The following ANKRD26 variants were observed in gnomAD, a reference collection of about 807,000 sequenced individuals.
The protein encoded by ANKRD26 is ankyrin repeat domain 26, also known as ankyrin repeat domain-containing protein 26.
In ANKRD26, 141 loss-of-function variants were observed where a neutral mutation model predicts 208.7. The ratio of observed to expected loss-of-function variants is 0.68; its 90% confidence interval spans 0.59 to 0.78. ANKRD26 has a LOEUF of 0.78. Among genes scored for constraint, ANKRD26 ranks in the 30% least tolerant of loss-of-function variants. The probability of loss-of-function intolerance (pLI) is 0.00; values close to 1 mark genes in which losing one functional copy is unlikely to be tolerated. For missense variants in ANKRD26, 1,889 were observed against 1,938.7 expected (o/e 0.97, Z 0.48); for synonymous variants, 636 against 660.4 (o/e 0.96, Z 0.57).
Position 27,051,458 on chromosome 10 carries a change from C to T in ANKRD26, c.1635+1862G>A, listed in dbSNP as rs1277400887. 8.4e-6 allele frequency: 9 copies of T among 1,071,362 alleles called. No homozygotes were observed. In the East Asian group the frequency reaches 7.2e-4, roughly 86 times the overall value. The allele number at this position is 1,071,362 out of a possible 1,614,324, so 66.4% of individuals were successfully genotyped here. A position where few individuals can be genotyped will look rare whatever the true frequency, so the allele number is the denominator to read the frequency against. On this transcript the variant is annotated intron_variant, in intron 16 of 33. Coordinates refer to ENST00000376087, the MANE Select transcript of ANKRD26 (RefSeq NM_014915.3). The stretch of plus-strand genomic sequence containing the variant: ...ATTTCCAGTTAGTGGTATTTCGGTT[C>T]ATATTTTTTGTCTTATCAAACTCTT...
intron 9 of ANKRD26, 84 bp from the exon 10 acceptor site, chr10:27,067,370 C>T (rs776384298): frequency 3.0e-4 from 441 of 1,468,982 alleles, no homozygotes; most frequent in South Asian, 4.7e-4. Context: ...TGTATTAGTC[C>T]GTACTTGCAC....
At chr10:27,035,810 T>C in intron 23 of ANKRD26, 58 bp from the exon 24 acceptor site, 1 of 1,195,394 alleles carries the variant, frequency 8.4e-7, no homozygotes, top group South Asian at 1.3e-5. Context: ...GATCATGATT[T>C]CCTCTGAAAT....
At chr10:27,005,994 CA>C (rs1160955069) in intron 33 of ANKRD26, among the ~76,000 whole-genome samples, 1 of 152,078 alleles carries the variant, frequency 6.6e-6, no homozygotes, top group African/African-American at 2.4e-5. Flanking sequence ...ACTAGAATTA[CA>C]AGATGAAGAT....
At chr10:27,006,849 C>A (rs533513563) in intron 33 of ANKRD26, 68 bp downstream of exon 33, 8 of 1,295,314 alleles carry the variant, frequency 6.2e-6, no homozygotes, top group African/African-American at 2.9e-5. Flanking sequence ...ATCCCACTCA[C>A]GATTTACAAT....
downstream of ANKRD26, among the ~76,000 whole-genome samples, chr10:26,990,920 A>G (rs2052474783): frequency 1.3e-5 from 2 of 152,208 alleles, no homozygotes; most frequent in African/African-American, 4.8e-5. Context: ...CATTAAAGAG[A>G]ATTAGCAAGA....
At chr10:26,989,449 T>C (rs551969223), downstream of ANKRD26, among the ~76,000 whole-genome samples, 10 of 152,326 alleles carry the variant, frequency 6.6e-5, no homozygotes, top group African/African-American at 2.4e-4. Flanking sequence ...AAAAGACTTA[T>C]GGGCATTAAG....
At position 27,007,001 on chromosome 10, in the gene ANKRD26, G is replaced by C. The variant is rs1479210532; in HGVS notation, c.4954-39C>G. ...AATGTTATTTATAATGTTTAAGTTA[G>C]ACAAGAGACATTAACATAGAAATGA... On this transcript the variant is annotated intron_variant, in intron 32 of 33. Transcript: ENST00000376087. 2.1e-6 allele frequency: 3 copies of C among 1,440,192 alleles called. No homozygotes were observed. In the African/African-American group the frequency reaches 4.2e-5, roughly 20 times the overall value. The allele number at this position is 1,440,192 out of a possible 1,614,324, so 89.2% of individuals were successfully genotyped here. A position where few individuals can be genotyped will look rare whatever the true frequency, so the allele number is the denominator to read the frequency against.
chr10:26,950,204 T>C, the ANKRD26 span, among the ~76,000 whole-genome samples: 3 of 152,160 alleles, frequency 2.0e-5, no homozygotes, highest in African/African-American at 7.2e-5. Flanking sequence ...GTTCTTGTGA[T>C]AGTGAGAGAG....
chr10:27,051,325 C>G (rs760894203), intron 16 of ANKRD26: 24 of 1,274,658 alleles, frequency 1.9e-5, no homozygotes, highest in Non-Finnish European at 2.4e-5. Flanking sequence ...TCTGTACCAG[C>G]AGAAATACTA....
At chr10:27,027,037 C>T (rs907390466) in intron 27 of ANKRD26, among the ~76,000 whole-genome samples, 2 of 152,148 alleles carry the variant, frequency 1.3e-5, no homozygotes, top group African/African-American at 4.8e-5. Context: ...CCACCCGCCT[C>T]GGCCTCCCAA....
intron 4 of ANKRD26, among the ~76,000 whole-genome samples, chr10:26,996,354 G>A (rs1386330437): frequency 3.9e-5 from 6 of 152,210 alleles, no homozygotes; most frequent in Non-Finnish European, 7.3e-5. Context: ...AAGGTCAGGA[G>A]ATCAAGACCA....
intron 21 of ANKRD26, among the ~76,000 whole-genome samples, chr10:27,039,429 G>A (rs912699565): frequency 3.3e-5 from 5 of 151,246 alleles, no homozygotes; most frequent in African/African-American, 1.2e-4. Flanking sequence ...ACTCCAGCCT[G>A]GGCAACAGAG....
rs544688453 is a variant in ANKRD26 at position 27,086,642 on chromosome 10, A to T, written c.639-33T>A. 6.5e-5 allele frequency: 103 copies of T among 1,577,514 alleles called. No homozygotes were observed. The African/African-American group carries it at 1.3e-3, about 20-fold the overall frequency. On this transcript the variant is annotated intron_variant, in intron 4 of 33. Transcript: ENST00000376087. ...TAGAAAAATGTAACAAAATTATGTT[A>T]ATACTGATACAAAAAATATTTACCA... is the stretch of plus-strand genomic sequence containing the variant.
At chr10:26,956,808 T>C in the ANKRD26 span, among the ~76,000 whole-genome samples, 1 of 152,188 alleles carries the variant, frequency 6.6e-6, no homozygotes, top group African/African-American at 2.4e-5. Flanking sequence ...CCATTTCCCT[T>C]ATGCAAATAG....
chr10:27,094,263 T>C (rs945485831), intron 1 of ANKRD26, among the ~76,000 whole-genome samples: 6 of 152,210 alleles, frequency 3.9e-5, no homozygotes, highest in African/African-American at 7.2e-5. Context: ...ATGTCTTTAT[T>C]AGCAGCATGA....
At chr10:27,017,386 T>C in intron 30 of ANKRD26, 116 bp downstream of exon 30, 3 of 1,054,512 alleles carry the variant, frequency 2.8e-6, no homozygotes, top group Non-Finnish European at 4.3e-6. Context: ...CCATCATCCT[T>C]CTAGAAATCT....
At chr10:27,069,872 C>CT (rs1310044273) in intron 9 of ANKRD26, among the ~76,000 whole-genome samples, 1 of 152,068 alleles carries the variant, frequency 6.6e-6, no homozygotes, top group Admixed American at 6.6e-5. Context: ...AATCTTAGCA[C>CT]TTTGGGAGGT....
chr10:26,975,191 A>G (rs188831314), exon 6 of ANKRD26, among the ~76,000 whole-genome samples: 3 of 152,180 alleles, frequency 2.0e-5, no homozygotes, highest in Admixed American at 6.5e-5. Context: ...AAATTTCATG[A>G]GTTTCTGAGA....
chr10:26,963,586 C>T, the ANKRD26 span, among the ~76,000 whole-genome samples: 3 of 152,128 alleles, frequency 2.0e-5, no homozygotes, highest in African/African-American at 7.2e-5. Flanking sequence ...TAGTGCACTG[C>T]CCTGCAACCA....
Sources: allele counts gnomAD v4.1 joint callset (sites outside exome capture counted in the v4.1 genomes callset), GRCh38; gene constraint gnomAD v4.1.1; transcripts MANE v1.5; gene names NCBI Gene and HGNC (gene_info 2026-07-23, HGNC 2026-07-21).